Variants in YLPM1 observed in about 807,000 individuals in gnomAD.
YLPM1 encodes YLP motif containing 1.
Under a neutral mutation model 230.0 loss-of-function variants are expected in YLPM1, and 99 were observed. The ratio of observed to expected loss-of-function variants is 0.43; its 90% CI spans 0.37 to 0.51. The LOEUF is 0.51. Among genes scored for constraint, YLPM1 ranks in the 20% least tolerant of loss-of-function variants. YLPM1 has a pLI of 0.00. For synonymous variants in YLPM1, 984 were observed against 942.5 expected (o/e 1.04, Z -0.81); for missense variants, 2,592 against 2,707.7 (o/e 0.96, Z 0.95).
At chr14:74,825,864 T>G (rs1483292619) in intron 18 of YLPM1, among the ~76,000 whole-genome samples, 1 of 152,178 alleles carries the variant, frequency 6.6e-6, no homozygotes. Context: ...TTTCTTTCTG[T>G]TTTTAAAAGG....
At position 74,781,317 on chromosome 14, in the gene YLPM1, T is replaced by C; in HGVS notation, c.1291-17T>C. On this transcript the variant is annotated splice_polypyrimidine_tract_variant and intron_variant, in intron 3 of 20. Coordinates refer to ENST00000325680, the MANE Select transcript of YLPM1 (RefSeq NM_019589.3). ...TATATGAATGGTTTTAAATAGTTTT[T>C]ATCCCTTTATTTGTAGACCATGTCT... 1 of 1,511,032 alleles carries C rather than the reference T, an allele frequency of 6.6e-7. No homozygotes were observed. Among genetic ancestry groups the C allele is most frequent in the African/African-American group, 1.4e-5 (1 of 71,390 alleles). The allele number at this position is 1,511,032 out of a possible 1,614,324, so 93.6% of individuals were successfully genotyped here. A position where few individuals can be genotyped will look rare whatever the true frequency, so the allele number is the denominator to read the frequency against.
In YLPM1 at chr14:74,763,891, G is replaced by T. The variant is rs1025699077; in HGVS notation, c.402G>T (p.Gly134=). ...KHQMLHHQRD[G]PPGLVPMELE... is the part of the protein sequence containing the mutation. ...AGATGCTCCACCACCAACGAGACGG[G>T]CCTCCTGGTTTGGTTCCAATGGAGC... The change falls in exon 1 of 21, where the codon GGG becomes GGT. Residue 134 remains glycine, a synonymous_variant. Coordinates refer to ENST00000325680, the MANE Select transcript of YLPM1 (RefSeq NM_019589.3). 1 of 1,554,744 alleles carries T rather than the reference G, an allele frequency of 6.4e-7. No homozygotes were observed. The highest frequency in any genetic ancestry group is 8.7e-7 in the Non-Finnish European group (1 of 1,151,438).
chr14:74,781,637 A>AATG lies in YLPM1; in HGVS notation c.1594_1595insATG (p.Thr532delinsAsnAla). 1 of 1,613,726 alleles carries AATG rather than the reference A, an allele frequency of 6.2e-7. No individual in the cohort carries two copies. Among genetic ancestry groups the AATG allele is most frequent in the Non-Finnish European group, 8.5e-7 (1 of 1,179,808 alleles). On this transcript the variant is annotated protein_altering_variant, in exon 4 of 21. Coordinates refer to ENST00000325680, the MANE Select transcript of YLPM1 (RefSeq NM_019589.3). ...TTCTCAGATGCCTCCACCTCTACCT[A>AATG]CAATGCCCCCTCCAGTGTTGCCTCC... is the stretch of plus-strand genomic sequence containing the variant.
In YLPM1 at chr14:74,835,437, A is replaced by G. The variant is rs779679851; in HGVS notation, c.*26A>G. ...GACTTAGTTTTTGAACGGAGTCATT[A>G]TTCCTCTAAGGTAAGAGTACACAGT... On this transcript the variant is annotated 3_prime_UTR_variant, in exon 20 of 21. Transcript: ENST00000325680. 2 of 1,611,540 alleles carry G rather than the reference A, an allele frequency of 1.2e-6. No homozygotes were observed. The highest frequency in any genetic ancestry group is 1.7e-6 in the Non-Finnish European group (2 of 1,178,552).
chr14:74,824,531 A>G (rs1027242495), intron 18 of YLPM1, among the ~76,000 whole-genome samples: 1 of 152,134 alleles, frequency 6.6e-6, no homozygotes, highest in Non-Finnish European at 1.5e-5. Flanking sequence ...TTTAGAGTCA[A>G]CAGAAATATT....
intron 18 of YLPM1, chr14:74,827,469 G>C (rs755718255): frequency 5.2e-5 from 51 of 985,168 alleles, no homozygotes; most frequent in Non-Finnish European, 8.4e-6. Flanking sequence ...TTTCAAAAAG[G>C]GTGCTCAGAC....
Position 74,781,565 on chromosome 14 carries a change from A to G in YLPM1, c.1522A>G (p.Asn508Asp), listed in dbSNP as rs2091092239. 6.2e-7 allele frequency: 1 copy of G among 1,613,878 alleles called. No homozygotes were observed. Among genetic ancestry groups the G allele is most frequent in the African/African-American group, 1.3e-5 (1 of 74,920 alleles). ...AGTCAATTCATTTCAGAACATGAAG[A>G]ACCAGTATATGGGGAACATGTCAAT... Reference protein sequence around the residue: ...EKVNSFQNMKNQYMGNMSMPP... With the variant: ...EKVNSFQNMKDQYMGNMSMPP... The change falls in exon 4 of 21, where the codon AAC (asparagine) becomes GAC (aspartate). Residue 508 changes from asparagine to aspartate, a missense_variant. Asn to Asp is a conservative substitution (Grantham distance 23, BLOSUM62 1). Around this residue, in one of 4 missense-constraint regions of YLPM1, gnomAD observed 1,862 missense variants for 1,819.8 expected, o/e 1.02. Transcript: ENST00000325680.
Position 74,763,892 on chromosome 14 carries a change from C to T in YLPM1, c.403C>T (p.Pro135Ser). The T allele has an allele frequency of 6.4e-7, 1 of 1,556,538 alleles. No homozygotes were observed. The highest frequency in any genetic ancestry group is 8.7e-7 in the Non-Finnish European group (1 of 1,152,242). ...HQMLHHQRDG[P>S]PGLVPMELES... ...GATGCTCCACCACCAACGAGACGGGCCTCCTGGTTTGGTTCCAATGGAGCT... is the reference window on the plus strand; with the variant it reads ...GATGCTCCACCACCAACGAGACGGGTCTCCTGGTTTGGTTCCAATGGAGCT... The change falls in exon 1 of 21, where the codon CCT (proline) becomes TCT (serine). Residue 135 changes from proline (P) to serine (S), a missense_variant. Pro to Ser is a moderately conservative substitution (Grantham distance 74). Transcript: ENST00000325680.
intron 6 of YLPM1, among the ~76,000 whole-genome samples, chr14:74,806,334 G>T (rs1401807431): frequency 6.6e-6 from 1 of 151,946 alleles, no homozygotes; most frequent in African/African-American, 2.4e-5. Flanking sequence ...TCCAGCCTGG[G>T]TGACAGATCA....
intron 4 of YLPM1, among the ~76,000 whole-genome samples, chr14:74,795,124 G>C (rs1262059664): frequency 1.3e-5 from 2 of 152,234 alleles, no homozygotes; most frequent in East Asian, 3.8e-4. Flanking sequence ...TTGCATTTCA[G>C]ACACACTTCA....
rs896999508 is a variant in YLPM1 at position 74,781,183 on chromosome 14, A to G, written c.1291-151A>G. 25 of 899,018 alleles carry G rather than the reference A, an allele frequency of 2.8e-5. No individual in the cohort carries two copies. In the African/African-American group the frequency reaches 4.0e-4, roughly 15 times the overall value. 55.7% of individuals were successfully genotyped at this position (899,018 alleles called of 1,614,324 possible). Reference sequence around the variant, plus strand: ...AAGGAAGAAGAATGATCATCACTCAAAGAACTTAACGAACTTATTCTTAGC... The same window carrying G: ...AAGGAAGAAGAATGATCATCACTCAGAGAACTTAACGAACTTATTCTTAGC... On this transcript the variant is annotated intron_variant, in intron 3 of 20. Transcript: ENST00000325680.
chr14:74,783,741 C>G (rs1325486836), intron 4 of YLPM1, among the ~76,000 whole-genome samples: 1 of 152,194 alleles, frequency 6.6e-6, no homozygotes, highest in African/African-American at 2.4e-5. Flanking sequence ...ACTCCATCCA[C>G]AATCAAAGTT....
intron 17 of YLPM1, among the ~76,000 whole-genome samples, chr14:74,822,983 T>C (rs2091534638): frequency 6.6e-6 from 1 of 152,124 alleles, no homozygotes; most frequent in Non-Finnish European, 1.5e-5. Flanking sequence ...GTAACTTGTC[T>C]TCAGTACTTT....
intron 4 of YLPM1, among the ~76,000 whole-genome samples, chr14:74,790,646 C>G (rs536759667): frequency 6.6e-6 from 1 of 152,196 alleles, no homozygotes; most frequent in African/African-American, 2.4e-5. Flanking sequence ...TTTCTAAATA[C>G]TTAAAACCAG....
At chr14:74,810,064 TC>T in intron 8 of YLPM1, 62 bp downstream of exon 8, 1 of 1,505,050 alleles carries the variant, frequency 6.6e-7, no homozygotes, top group Non-Finnish European at 8.9e-7. Flanking sequence ...CACATGATTT[TC>T]CTTTTGGTGA....
intron 6 of YLPM1, among the ~76,000 whole-genome samples, chr14:74,806,228 G>A: frequency 6.6e-6 from 1 of 151,824 alleles, no homozygotes; most frequent in East Asian, 2.0e-4. Context: ...TTGGTGGCAT[G>A]TGCCTGTAAT....
chr14:74,797,190 C>T (rs1391243047), intron 4 of YLPM1, among the ~76,000 whole-genome samples: 2 of 146,230 alleles, frequency 1.4e-5, no homozygotes, highest in East Asian at 4.0e-4. Flanking sequence ...AGGGTTTCAC[C>T]ATGTTGGCCA....
chr14:74,811,026 C>T (rs2091429277), intron 9 of YLPM1, among the ~76,000 whole-genome samples: 1 of 151,980 alleles, frequency 6.6e-6, no homozygotes, highest in South Asian at 2.1e-4. Flanking sequence ...GTGGTTTCAC[C>T]ATGTTGCCCA....
At chr14:74,816,449 C>A in intron 12 of YLPM1, 122 bp from the exon 13 acceptor site, 1 of 1,343,754 alleles carries the variant, frequency 7.4e-7, no homozygotes, top group Non-Finnish European at 1.0e-6. Flanking sequence ...AACATTTTTG[C>A]CTCTGCTTGA....
Sources: gnomAD v4.1 joint callset for allele counts (sites outside exome capture counted in the v4.1 genomes callset) on GRCh38, gnomAD v4.1.1 for gene constraint, gnomAD v4.1.1 regional missense constraint, MANE v1.5 for transcripts, NCBI Gene and HGNC (gene_info 2026-07-23, HGNC 2026-07-21) for gene names.